Variants in MSANTD3 observed in about 807,000 individuals in gnomAD.
MSANTD3 encodes myb/SANT-like DNA-binding domain-containing protein 3.
Under a neutral mutation model 27.7 loss-of-function variants are expected in MSANTD3, and 11 were observed. The ratio of observed to expected loss-of-function variants is 0.40; its 90% CI spans 0.25 to 0.66. The LOEUF is 0.66. MSANTD3 is among the 30% of genes least tolerant of loss of function. MSANTD3 has a pLI of 0.41. For synonymous variants in MSANTD3, 131 were observed against 127.2 expected (o/e 1.03, Z -0.20); for missense variants, 250 against 336.5 (o/e 0.74, Z 2.01).
At chr9:100,438,865 A>G (rs564855299) in intron 1 of MSANTD3, among the ~76,000 whole-genome samples, 17 of 152,316 alleles carry the variant, frequency 1.1e-4, no homozygotes, top group Non-Finnish European at 2.2e-4. Context: ...AGGAGCCTGG[A>G]TTGGGTATCA....
chr9:100,451,088 CT>C lies in MSANTD3; in HGVS notation c.*124del. On this transcript the variant is annotated 3_prime_UTR_variant, in exon 3 of 3. Coordinates refer to ENST00000395067, the MANE Select transcript of MSANTD3 (RefSeq NM_080655.3). ...AGGAAAATTAGAGTGGTAGTAGTCA[CT>C]TATTTAAGAATTCATTCAGGTAAAC... is the stretch of plus-strand genomic sequence containing the variant. 1 of 967,212 alleles carries C rather than the reference CT, an allele frequency of 1.0e-6. No homozygotes were observed. The highest frequency in any genetic ancestry group is 1.5e-6 in the Non-Finnish European group (1 of 658,888). 59.9% of individuals were successfully genotyped at this position (967,212 alleles called of 1,614,324 possible). A position where few individuals can be genotyped will look rare whatever the true frequency, so the allele number is the denominator to read the frequency against.
Position 100,450,545 on chromosome 9 carries a change from A to G in MSANTD3, c.419-12A>G, listed in dbSNP as rs1242050393. On this transcript the variant is annotated splice_polypyrimidine_tract_variant and intron_variant, in intron 2 of 2. Transcript: ENST00000395067. ...AATCTTTGAACATATGTTTTCTGCT[A>G]CTGTTTTTCAGAATCATTTGCTGTT... 9 of 1,514,588 alleles carry G rather than the reference A, an allele frequency of 5.9e-6. No homozygotes were observed. The highest frequency in any genetic ancestry group is 7.9e-6 in the Non-Finnish European group (9 of 1,136,212). The allele number at this position is 1,514,588 out of a possible 1,614,324, so 93.8% of individuals were successfully genotyped here.
intron 2 of MSANTD3, chr9:100,449,173 T>G (rs1179301356): frequency 4.1e-6 from 4 of 985,112 alleles, no homozygotes; most frequent in Non-Finnish European, 4.8e-6. Flanking sequence ...CAAGACTCCA[T>G]GGGTTAGTGG....
At chr9:100,443,215 C>T (rs530877605) in intron 2 of MSANTD3, among the ~76,000 whole-genome samples, 4 of 152,006 alleles carry the variant, frequency 2.6e-5, no homozygotes, top group African/African-American at 9.6e-5. Flanking sequence ...GCCTGACCAA[C>T]ATGGAGAAAC....
Position 100,438,638 on chromosome 9 carries a change from G to A in MSANTD3, c.-33-3268G>A, listed in dbSNP as rs144925515. Among the ~76,000 whole-genome samples, 384 of 152,318 alleles carry A rather than the reference G, an allele frequency of 2.5e-3. 2 individuals carry two copies. Among genetic ancestry groups the A allele is most frequent in the South Asian group, 0.018 (88 of 4,828 alleles). ...AATTGGATCAGAATCTGCTGTGTAA[G>A]CTGTGTAATTTAAGAACAGGCAGTG... On this transcript the variant is annotated intron_variant, in intron 1 of 2. Coordinates refer to ENST00000395067, the MANE Select transcript of MSANTD3 (RefSeq NM_080655.3).
rs1836872090 is a variant in MSANTD3, at chr9:100,450,975, G to A, written c.*9G>A. On this transcript the variant is annotated 3_prime_UTR_variant, in exon 3 of 3. Transcript: ENST00000395067. ...TTCCCAATTCGCCCTAAGACTTTGG[G>A]GGTGGCTCTCTTGTAATTAATCTGT... 2 of 1,557,166 alleles carry A rather than the reference G, an allele frequency of 1.3e-6. No homozygotes were observed. Among genetic ancestry groups the A allele is most frequent in the East Asian group, 2.2e-5 (1 of 44,638 alleles).
chr9:100,439,736 G>A (rs1836559779), intron 1 of MSANTD3, among the ~76,000 whole-genome samples: 2 of 150,974 alleles, frequency 1.3e-5, no homozygotes, highest in African/African-American at 2.4e-5. Context: ...AGCCAGGATG[G>A]TCTCCATCTC....
intron 1 of MSANTD3, among the ~76,000 whole-genome samples, chr9:100,434,813 C>T (rs548814167): frequency 1.6e-4 from 25 of 152,248 alleles, no homozygotes; most frequent in African/African-American, 6.0e-4. Context: ...TTGTGCATGT[C>T]AGCGCTCTTT....
chr9:100,451,568 A>G lies in MSANTD3; in HGVS notation c.*602A>G, dbSNP rs1028629091. 1.1e-4 allele frequency: 16 copies of G among 152,054 alleles called. No individual in the cohort carries two copies. The highest frequency in any genetic ancestry group is 3.9e-4 in the African/African-American group (16 of 41,400). 9.4% of individuals were successfully genotyped at this position (152,054 alleles called of 1,614,324 possible). On this transcript the variant is annotated 3_prime_UTR_variant, in exon 3 of 3. Coordinates refer to ENST00000395067, the MANE Select transcript of MSANTD3 (RefSeq NM_080655.3). ...AGAAGGGTATTTTCTAATGTGGCTC[A>G]TAAACCACCTTTTAAGGCCTTTCCT...
chr9:100,447,934 T>C (rs936198112), intron 2 of MSANTD3, among the ~76,000 whole-genome samples: 6 of 152,166 alleles, frequency 3.9e-5, no homozygotes, highest in Non-Finnish European at 7.3e-5. Context: ...CTCATGCCTG[T>C]AATCCCAGTA....
intron 1 of MSANTD3, among the ~76,000 whole-genome samples, chr9:100,432,504 G>A (rs915506742): frequency 6.6e-6 from 1 of 152,156 alleles, no homozygotes; most frequent in African/African-American, 2.4e-5. Context: ...TTTGTAAGAG[G>A]AGAAATTTAA....
intron 2 of MSANTD3, among the ~76,000 whole-genome samples, chr9:100,445,881 T>C (rs1473550480): frequency 6.6e-6 from 1 of 152,212 alleles, no homozygotes; most frequent in Non-Finnish European, 1.5e-5. Flanking sequence ...TCTTAAAATT[T>C]AAGTATAACA....
In MSANTD3 at chr9:100,451,511, T is replaced by C. The variant is rs1836889362; in HGVS notation, c.*545T>C. The C allele has an allele frequency of 6.6e-6, 1 of 151,950 alleles. No individual in the cohort carries two copies. The highest frequency in any genetic ancestry group is 1.5e-5 in the Non-Finnish European group (1 of 67,986). The allele number at this position is 151,950 out of a possible 1,614,324, so 9.4% of individuals were successfully genotyped here. A position where few individuals can be genotyped will look rare whatever the true frequency, so the allele number is the denominator to read the frequency against. On this transcript the variant is annotated 3_prime_UTR_variant, in exon 3 of 3. Coordinates refer to ENST00000395067, the MANE Select transcript of MSANTD3 (RefSeq NM_080655.3). Reference sequence around the variant, plus strand: ...TTTTCTCGGTGTCATCCTCTGAGTATGGATTTTCTGTTTTTAAACAGCCCA... The same window carrying C: ...TTTTCTCGGTGTCATCCTCTGAGTACGGATTTTCTGTTTTTAAACAGCCCA...
chr9:100,440,777 TC>T (rs1836598379), intron 1 of MSANTD3, among the ~76,000 whole-genome samples: 2 of 131,692 alleles, frequency 1.5e-5, no homozygotes, highest in Non-Finnish European at 3.2e-5. Context: ...TTCTTTTTCT[TC>T]CCTTTTTTTT....
intron 1 of MSANTD3, among the ~76,000 whole-genome samples, chr9:100,432,552 C>CA (rs1411868189): frequency 6.6e-6 from 1 of 152,114 alleles, no homozygotes; most frequent in Non-Finnish European, 1.5e-5. Flanking sequence ...TTAAAAAATG[C>CA]AAATGGCAAG....
At chr9:100,441,152 T>C (rs910480296) in intron 1 of MSANTD3, among the ~76,000 whole-genome samples, 2 of 151,026 alleles carry the variant, frequency 1.3e-5, no homozygotes, top group Non-Finnish European at 2.9e-5. Context: ...GTCAGGCTGG[T>C]CTGGAACTCC....
intron 2 of MSANTD3, chr9:100,445,382 A>G: frequency 3.6e-6 from 2 of 561,206 alleles, no homozygotes; most frequent in Non-Finnish European, 6.4e-6. Context: ...GGCACTTGAA[A>G]TGTGGGTAGA....
chr9:100,450,862 G>A lies in MSANTD3; in HGVS notation c.724G>A (p.Glu242Lys). 1 of 1,614,110 alleles carries A rather than the reference G, an allele frequency of 6.2e-7. No individual in the cohort carries two copies. The highest frequency in any genetic ancestry group is 8.5e-7 in the Non-Finnish European group (1 of 1,180,018). The change falls in exon 3 of 3, where the codon GAA becomes AAA. Residue 242 changes from glutamate to lysine, a missense_variant. Transcript: ENST00000395067. Reference protein sequence around the residue: ...MAEEEHRIKMEVLNKKKMYWE... With the variant: ...MAEEEHRIKMKVLNKKKMYWE... Reference sequence around the variant, plus strand: ...AGAGGAGGAACACAGGATAAAAATGGAAGTTCTCAATAAAAAGAAGATGTA... The same window carrying A: ...AGAGGAGGAACACAGGATAAAAATGAAAGTTCTCAATAAAAAGAAGATGTA...
chr9:100,436,787 A>T (rs914529696), intron 1 of MSANTD3, among the ~76,000 whole-genome samples: 1 of 152,070 alleles, frequency 6.6e-6, no homozygotes, highest in South Asian at 2.1e-4. Flanking sequence ...GCTCCAAAAG[A>T]TCTCCACAGT....
Sources: allele counts gnomAD v4.1 joint callset (sites outside exome capture counted in the v4.1 genomes callset), GRCh38; gene constraint gnomAD v4.1.1; transcripts MANE v1.5; gene names NCBI Gene and HGNC (gene_info 2026-07-23, HGNC 2026-07-21).